Variants in CTNNA3 observed in about 807,000 individuals in gnomAD.
The protein encoded by CTNNA3 is catenin alpha 3.
Under a neutral mutation model 95.7 loss-of-function variants are expected in CTNNA3, and 76 were observed. The observed-to-expected ratio is 0.79, with a 90% CI of 0.66 to 0.96. The LOEUF (loss-of-function observed/expected upper bound fraction) is 0.96, where lower values mean the gene tolerates loss of function less well. Ranked by LOEUF, CTNNA3 falls within the 40% of genes least tolerant of loss-of-function variation. CTNNA3 has a pLI of 0.00. For synonymous variants in CTNNA3, 431 were observed against 374.4 expected (o/e 1.15, Z -1.74); for missense variants, 1,191 against 1,089.8 (o/e 1.09, Z -1.31).
At chr10:66,713,590 GCAATAAAAAC>G (rs1233176376) in intron 9 of CTNNA3, among the ~76,000 whole-genome samples, 2 of 152,016 alleles carry the variant, frequency 1.3e-5, no homozygotes, top group Non-Finnish European at 2.9e-5. Context: ...TCACAGTACA[GCAATAAAAAC>G]TGTTCTGGCA....
chr10:66,461,786 G>T, intron 11 of CTNNA3, among the ~76,000 whole-genome samples: 1 of 149,538 alleles, frequency 6.7e-6, no homozygotes, highest in Non-Finnish European at 1.5e-5. Context: ...TCCTTCTACT[G>T]CTGAAGTAAT....
At chr10:67,723,065 C>A (rs1266761984) in intron 1 of CTNNA3, among the ~76,000 whole-genome samples, 1 of 149,476 alleles carries the variant, frequency 6.7e-6, no homozygotes, top group Admixed American at 6.7e-5. Context: ...TGGCTCACCA[C>A]AACTTCTGCC....
chr10:66,391,393 T>C (rs12098797), intron 11 of CTNNA3, among the ~76,000 whole-genome samples: 2,512 of 152,210 alleles, frequency 0.017, 67 homozygotes, highest in African/African-American at 0.058. Flanking sequence ...ACTTGTGTAG[T>C]TGTTAAGAAA....
At position 66,385,816 on chromosome 10, in the gene CTNNA3, C is replaced by T. The variant is rs1589172377; in HGVS notation, c.1532-6464G>A. 3.9e-5 allele frequency among the ~76,000 whole-genome samples: 6 copies of T among 152,226 alleles called. 1 individual carries two copies. Among genetic ancestry groups the T allele is most frequent in the Admixed American group, 3.9e-4 (6 of 15,288 alleles). ...GCAAATCAGTAAACATAATCCATCA[C>T]ATAAACAAAATCAACAACAAAAAAC... On this transcript the variant is annotated intron_variant, in intron 11 of 17. Coordinates refer to ENST00000433211, the MANE Select transcript of CTNNA3 (RefSeq NM_013266.4).
rs117022276 is a variant in CTNNA3, at chr10:67,113,712, T to C, written c.1047+66605A>G. ...GACAGGCAGCTCAGAAAAAGAGATT[T>C]AGGCTATCAGAGAAGGTGGAAGAAT... On this transcript the variant is annotated intron_variant, in intron 7 of 17. Transcript: ENST00000433211. Among the ~76,000 whole-genome samples the C allele has an allele frequency of 2.7e-3, 404 of 152,254 alleles. 4 individuals are homozygous for C. Among genetic ancestry groups the C allele is most frequent in the East Asian group, 0.025 (129 of 5,180 alleles).
intron 3 of CTNNA3, among the ~76,000 whole-genome samples, chr10:67,552,705 C>A (rs1294254912): frequency 6.6e-6 from 1 of 152,086 alleles, no homozygotes; most frequent in African/African-American, 2.4e-5. Context: ...GTGTGTTGTT[C>A]CCGCCTTGTG....
intron 15 of CTNNA3, among the ~76,000 whole-genome samples, chr10:66,035,551 C>G (rs1198133189): frequency 1.0e-5 from 1 of 95,718 alleles, no homozygotes; most frequent in African/African-American, 3.6e-5. Context: ...TTTTTTTTTG[C>G]CGCTGGCTTT....
chr10:66,536,217 C>T (rs1841651248), intron 10 of CTNNA3, among the ~76,000 whole-genome samples: 1 of 151,838 alleles, frequency 6.6e-6, no homozygotes. Flanking sequence ...CCTTGTGGCT[C>T]ACACCTGTAA....
chr10:67,585,479 G>T (rs182613574), intron 3 of CTNNA3, among the ~76,000 whole-genome samples: 1 of 152,120 alleles, frequency 6.6e-6, no homozygotes, highest in East Asian at 1.9e-4. Context: ...TTTCTTTTGG[G>T]GGAGTTTTTT....
intron 13 of CTNNA3, among the ~76,000 whole-genome samples, chr10:66,131,952 G>C (rs2083124627): frequency 6.6e-6 from 1 of 152,060 alleles, no homozygotes. Flanking sequence ...AAAAACCTTG[G>C]AAGAAACCTA....
intron 11 of CTNNA3, among the ~76,000 whole-genome samples, chr10:66,469,596 T>C (rs1839054303): frequency 6.6e-6 from 1 of 151,902 alleles, no homozygotes; most frequent in African/African-American, 2.4e-5. Context: ...GAGGTGAGAC[T>C]GAAGTCTGTG....
At chr10:65,954,442 T>C (rs561526200) in intron 17 of CTNNA3, among the ~76,000 whole-genome samples, 1 of 152,344 alleles carries the variant, frequency 6.6e-6, no homozygotes, top group East Asian at 1.9e-4. Flanking sequence ...TTTGTTGTTT[T>C]AGTCATGAAG....
chr10:65,979,439 T>C (rs2078274798), intron 16 of CTNNA3, among the ~76,000 whole-genome samples: 1 of 152,136 alleles, frequency 6.6e-6, no homozygotes, highest in Non-Finnish European at 1.5e-5. Context: ...AAGAATTACT[T>C]CGACTGAAAC....
intron 13 of CTNNA3, among the ~76,000 whole-genome samples, chr10:66,200,006 G>T (rs866505206): frequency 2.0e-5 from 3 of 149,722 alleles, no homozygotes; most frequent in Non-Finnish European, 4.4e-5. Context: ...AGGAAGTAGC[G>T]TTCAGATAAA....
intron 11 of CTNNA3, among the ~76,000 whole-genome samples, chr10:66,408,787 G>T (rs1389442056): frequency 1.3e-5 from 2 of 152,136 alleles, no homozygotes; most frequent in African/African-American, 4.8e-5. Context: ...TAAAAGAACA[G>T]TGTATAAAAC....
intron 5 of CTNNA3, among the ~76,000 whole-genome samples, chr10:67,382,853 C>T (rs1421211850): frequency 6.6e-6 from 1 of 152,090 alleles, no homozygotes; most frequent in African/African-American, 2.4e-5. Flanking sequence ...GGGTGCCAGG[C>T]TTTCTTAAAC....
At chr10:66,222,569 GGAAA>G (rs1316872071) in intron 13 of CTNNA3, among the ~76,000 whole-genome samples, 2 of 119,602 alleles carry the variant, frequency 1.7e-5, no homozygotes, top group Admixed American at 9.0e-5. Flanking sequence ...AGAGAAAGAA[GGAAA>G]GAAAGAAGGA....
Position 67,019,241 on chromosome 10 carries a change from C to T in CTNNA3, c.1047+161076G>A, listed in dbSNP as rs146558234. Among the ~76,000 whole-genome samples, 857 of 152,138 alleles carry T rather than the reference C, an allele frequency of 5.6e-3. 8 individuals carry two copies. The highest frequency in any genetic ancestry group is 0.019 in the African/African-American group (774 of 41,496). On this transcript the variant is annotated intron_variant, in intron 7 of 17. Coordinates refer to ENST00000433211, the MANE Select transcript of CTNNA3 (RefSeq NM_013266.4). ...ATTTTATTATTATTTTGTTTTGAGACGTAGTCTCGCTCTGTTGCCCAGGCT... is the reference window on the plus strand; with the variant it reads ...ATTTTATTATTATTTTGTTTTGAGATGTAGTCTCGCTCTGTTGCCCAGGCT...
intron 1 of CTNNA3, among the ~76,000 whole-genome samples, chr10:67,707,170 G>A (rs754205487): frequency 1.3e-5 from 2 of 152,116 alleles, no homozygotes; most frequent in African/African-American, 4.8e-5. Flanking sequence ...TAGCTTCTAA[G>A]TGATTTTTCA....
Sources: allele counts gnomAD v4.1 joint callset (sites outside exome capture counted in the v4.1 genomes callset), GRCh38; gene constraint gnomAD v4.1.1; transcripts MANE v1.5; gene names NCBI Gene and HGNC (gene_info 2026-07-23, HGNC 2026-07-21).